Variants in ANKRD30B observed in about 807,000 individuals in gnomAD.
ANKRD30B encodes the protein ankyrin repeat domain-containing protein 30B.
ANKRD30B carries 144 observed loss-of-function variants against 202.2 expected under a neutral mutation model. The observed-to-expected ratio is 0.71, with a 90% CI of 0.62 to 0.82. The LOEUF is 0.82. Ranked by LOEUF, ANKRD30B falls within the 40% of genes least tolerant of loss-of-function variation. The pLI is 0.00. For missense variants in ANKRD30B, 1,487 were observed against 1,669.1 expected (o/e 0.89, Z 1.90); for synonymous variants, 508 against 561.3 (o/e 0.91, Z 1.34).
chr18:14,932,560 G>T, the ANKRD30B span, among the ~76,000 whole-genome samples: 5 of 152,034 alleles, frequency 3.3e-5, no homozygotes, highest in Admixed American at 6.5e-5. Context: ...GGATGTTTTT[G>T]ATCTCCAGAC....
chr18:14,777,803 T>C (rs1403834871), intron 9 of ANKRD30B, among the ~76,000 whole-genome samples, 182 bp from the exon 10 acceptor site: 1 of 151,456 alleles, frequency 6.6e-6, no homozygotes, highest in African/African-American at 2.4e-5. Context: ...ATTAGCCAGG[T>C]GTGGTGGCTC....
the ANKRD30B span, among the ~76,000 whole-genome samples, chr18:14,911,684 A>T: frequency 2.6e-5 from 4 of 152,160 alleles, no homozygotes; most frequent in African/African-American, 9.6e-5. Flanking sequence ...ATTTAATAGG[A>T]ATTAAATTGT....
the ANKRD30B span, among the ~76,000 whole-genome samples, chr18:14,880,470 A>G: frequency 6.6e-6 from 1 of 151,996 alleles, no homozygotes; most frequent in African/African-American, 2.4e-5. Flanking sequence ...TGCCTTTAAC[A>G]GAATGGTAAT....
rs1968909743 is a variant in ANKRD30B at position 14,796,545 on chromosome 18, A to C, written c.1927+130A>C. 2.6e-6 allele frequency: 3 copies of C among 1,175,626 alleles called. No individual in the cohort carries two copies. In the Admixed American group the frequency reaches 8.5e-5, roughly 33 times the overall value. 72.8% of individuals were successfully genotyped at this position (1,175,626 alleles called of 1,614,324 possible). On this transcript the variant is annotated intron_variant, in intron 18 of 43. Transcript: ENST00000690538. Reference sequence around the variant, plus strand: ...GGGAAAATTTGAAACAAATAATGCCAATGTTAGCATTTATGTTTGAGAAAA... The same window carrying C: ...GGGAAAATTTGAAACAAATAATGCCCATGTTAGCATTTATGTTTGAGAAAA...
chr18:14,803,665 G>T, intron 23 of ANKRD30B, 69 bp from the exon 24 acceptor site: 1 of 1,481,476 alleles, frequency 6.8e-7, no homozygotes, highest in Non-Finnish European at 9.2e-7. Flanking sequence ...ATTTTAATTA[G>T]GAACTTTTGA....
At chr18:14,784,747 G>A (rs1323984865) in intron 14 of ANKRD30B, among the ~76,000 whole-genome samples, 2 of 151,850 alleles carry the variant, frequency 1.3e-5, no homozygotes, top group Non-Finnish European at 2.9e-5. Flanking sequence ...CTTAATCTCA[G>A]GTGTTTCTAC....
intron 3 of ANKRD30B, among the ~76,000 whole-genome samples, chr18:14,754,162 A>C (rs962832799): frequency 1.3e-5 from 2 of 152,146 alleles, no homozygotes; most frequent in Admixed American, 1.3e-4. Flanking sequence ...ATTTAGAGCC[A>C]CTTCCTTAGT....
chr18:14,778,791 C>CT (rs1210538187), intron 10 of ANKRD30B, among the ~76,000 whole-genome samples: 1 of 152,104 alleles, frequency 6.6e-6, no homozygotes, highest in Non-Finnish European at 1.5e-5. Flanking sequence ...GGACCTCACT[C>CT]TTAAGTAGCA....
chr18:14,838,044 T>C (rs1208734809), intron 36 of ANKRD30B, among the ~76,000 whole-genome samples: 1 of 152,182 alleles, frequency 6.6e-6, no homozygotes, highest in Non-Finnish European at 1.5e-5. Flanking sequence ...AAAGAAATTA[T>C]TTTCTGACAT....
intron 34 of ANKRD30B, 127 bp from the exon 35 acceptor site, chr18:14,837,084 T>C (rs1220213694): frequency 1.0e-4 from 64 of 617,262 alleles, no homozygotes; most frequent in Non-Finnish European, 5.2e-5. Context: ...ATTTGACAGA[T>C]ACAAAGTATG....
In ANKRD30B at chr18:14,814,568, T is replaced by C. The variant is rs878856532; in HGVS notation, c.2551-53T>C. The stretch of plus-strand genomic sequence containing the variant: ...TTTTAATTAGGAACTTTTGATACTC[T>C]TCATTATTGGGATTTCTCCATTGAA... On this transcript the variant is annotated intron_variant, in intron 29 of 43. Transcript: ENST00000690538. 874 of 1,143,896 alleles carry C rather than the reference T, an allele frequency of 7.6e-4. 7 individuals are homozygous for C. Among genetic ancestry groups the C allele is most frequent in the East Asian group, 3.6e-3 (129 of 36,084 alleles). 70.9% of individuals were successfully genotyped at this position (1,143,896 alleles called of 1,614,324 possible).
downstream of ANKRD30B, among the ~76,000 whole-genome samples, chr18:14,854,714 T>C (rs1209143541): frequency 1.3e-5 from 2 of 152,134 alleles, no homozygotes; most frequent in Non-Finnish European, 2.9e-5. Flanking sequence ...TTGAACCTTC[T>C]AGTTAAGAGA....
At chr18:14,882,444 T>G in the ANKRD30B span, among the ~76,000 whole-genome samples, 1 of 152,236 alleles carries the variant, frequency 6.6e-6, no homozygotes, top group Non-Finnish European at 1.5e-5. Context: ...GATTTTCAGT[T>G]TTGTTCCACT....
At chr18:14,853,535 C>CTTTT (rs201106360) in intron 42 of ANKRD30B, among the ~76,000 whole-genome samples, 3 of 141,968 alleles carry the variant, frequency 2.1e-5, no homozygotes, top group African/African-American at 7.7e-5. Flanking sequence ...CTAGTCCTGC[C>CTTTT]TTTTTTTTTT....
chr18:14,845,960 C>T (rs1447742731), intron 39 of ANKRD30B, among the ~76,000 whole-genome samples: 1 of 152,126 alleles, frequency 6.6e-6, no homozygotes, highest in Admixed American at 6.6e-5. Flanking sequence ...CTCCTAATAA[C>T]GTCACCTCTG....
intron 30 of ANKRD30B, among the ~76,000 whole-genome samples, chr18:14,818,439 C>T (rs1201236981): frequency 2.0e-5 from 3 of 151,626 alleles, no homozygotes; most frequent in Non-Finnish European, 2.9e-5. Context: ...TATACATGTG[C>T]CATGCTGGTG....
rs1968800119 is a variant in ANKRD30B at position 14,795,321 on chromosome 18, C to T, written c.1826-900C>T. On this transcript the variant is annotated intron_variant, in intron 16 of 43. Transcript: ENST00000690538. ...AAGTGATTCTCACAGCTCCGGCTCCCAAGTAGCTGCGGTTACAGGCATGTG... is the reference window on the plus strand; with the variant it reads ...AAGTGATTCTCACAGCTCCGGCTCCTAAGTAGCTGCGGTTACAGGCATGTG... 2.6e-5 allele frequency among the ~76,000 whole-genome samples: 4 copies of T among 152,302 alleles called. No individual in the cohort carries two copies. In the South Asian group the frequency reaches 8.3e-4, roughly 32 times the overall value.
chr18:14,818,992 T>C lies in ANKRD30B; in HGVS notation c.2642-3491T>C, dbSNP rs949471637. 1.1e-4 allele frequency among the ~76,000 whole-genome samples: 16 copies of C among 152,274 alleles called. No individual in the cohort carries two copies. The East Asian group carries it at 2.9e-3, about 28-fold the overall frequency. On this transcript the variant is annotated intron_variant, in intron 30 of 43. Coordinates refer to ENST00000690538, the MANE Select transcript of ANKRD30B (RefSeq NM_001367607.2). ...CAGTCCCACCAACAGTGTCAAAGTG[T>C]TCCTATTTCTCCACATCCTCTCCAG...
intron 20 of ANKRD30B, 39 bp downstream of exon 20, chr18:14,797,893 A>G: frequency 6.7e-7 from 1 of 1,484,830 alleles, no homozygotes; most frequent in Non-Finnish European, 9.1e-7. Context: ...GGAATTAAGA[A>G]TATTAAACTA....
Sources: allele counts gnomAD v4.1 joint callset (sites outside exome capture counted in the v4.1 genomes callset), GRCh38; gene constraint gnomAD v4.1.1; transcripts MANE v1.5; gene names NCBI Gene and HGNC (gene_info 2026-07-23, HGNC 2026-07-21).